The following ARAP1 variants were observed in gnomAD, a reference collection of about 807,000 sequenced individuals.
ARAP1 encodes the protein arf-GAP with Rho-GAP domain, ANK repeat and PH domain-containing protein 1.
Under a neutral mutation model 172.2 loss-of-function variants are expected in ARAP1, and 76 were observed. That is an observed-to-expected ratio of 0.44 (90% confidence interval 0.37 to 0.53). ARAP1 has a LOEUF of 0.53. Ranked by LOEUF, ARAP1 falls within the 20% of genes least tolerant of loss-of-function variation. ARAP1 has a pLI of 0.00. For synonymous variants in ARAP1, 804 were observed against 803.3 expected (o/e 1.00, Z -0.01); for missense variants, 1,686 against 1,977.5 (o/e 0.85, Z 2.80).
chr11:72,729,148 A>C (rs1285190580), intron 2 of ARAP1, among the ~76,000 whole-genome samples: 1 of 152,242 alleles, frequency 6.6e-6, no homozygotes, highest in Non-Finnish European at 1.5e-5. Flanking sequence ...TTTAGGATAC[A>C]CTAAAAGTAG....
chr11:72,745,267 C>T (rs1012461810), intron 1 of ARAP1, among the ~76,000 whole-genome samples: 1 of 146,120 alleles, frequency 6.8e-6, no homozygotes, highest in Non-Finnish European at 1.5e-5. Context: ...CGGCTCACTG[C>T]AAGCTCCGCC....
chr11:72,702,704 A>G (rs1449778459), intron 15 of ARAP1, among the ~76,000 whole-genome samples: 1 of 152,246 alleles, frequency 6.6e-6, no homozygotes, highest in Non-Finnish European at 1.5e-5. Context: ...AGTCATCAAC[A>G]GTCACAGAGA....
chr11:72,712,154 C>A, intron 7 of ARAP1, 42 bp downstream of exon 7: 1 of 1,522,646 alleles, frequency 6.6e-7, no homozygotes, highest in South Asian at 1.2e-5. Flanking sequence ...GCCCCCCACC[C>A]CCCCATGCAG....
chr11:72,728,030 C>T (rs1035082972), intron 2 of ARAP1, among the ~76,000 whole-genome samples: 1 of 152,160 alleles, frequency 6.6e-6, no homozygotes, highest in African/African-American at 2.4e-5. Flanking sequence ...CTTACACAAA[C>T]AAAAATCTTA....
intron 11 of ARAP1, chr11:72,708,155 T>A (rs1856849502): frequency 6.6e-6 from 1 of 151,346 alleles, no homozygotes. Context: ...TGACCATGAG[T>A]CTACTCCACC....
chr11:72,701,165 C>A (rs1856464489), intron 16 of ARAP1, among the ~76,000 whole-genome samples: 1 of 151,838 alleles, frequency 6.6e-6, no homozygotes, highest in Non-Finnish European at 1.5e-5. Flanking sequence ...AGGCAAAGAT[C>A]CTGGTAGGTG....
At chr11:72,704,362 G>T in intron 13 of ARAP1, 28 bp from the exon 14 acceptor site, 1 of 1,523,088 alleles carries the variant, frequency 6.6e-7, no homozygotes, top group South Asian at 1.3e-5. Context: ...AGGTCAGACG[G>T]GCCAGCTGAC....
rs899435396 is a variant in ARAP1, at chr11:72,693,273, A to G, written c.3954+52T>C. 1 of 1,592,748 alleles carries G rather than the reference A, an allele frequency of 6.3e-7. No individual in the cohort carries two copies. Among genetic ancestry groups the G allele is most frequent in the Non-Finnish European group, 8.6e-7 (1 of 1,167,398 alleles). ...CAGACCAAGGGGAATCTCTGAGCAC[A>G]TTCAGGTGTACAGGTGCCCACCCTG... On this transcript the variant is annotated intron_variant, in intron 29 of 34. Coordinates refer to ENST00000393609, the MANE Select transcript of ARAP1 (RefSeq NM_001040118.3). The surrounding 1 kb of genome is among the most constrained non-coding windows in gnomAD (Gnocchi z 4.6).
chr11:72,738,887 TGCAACAACCCCACA>T (rs1385046324), intron 1 of ARAP1, among the ~76,000 whole-genome samples: 4 of 152,146 alleles, frequency 2.6e-5, no homozygotes. Context: ...TTCAACTGTG[TGCAACAACCCCACA>T]GCCCAATACC....
In ARAP1 at chr11:72,713,207, G is replaced by A. The variant is rs199630863; in HGVS notation, c.716C>T (p.Pro239Leu). The A allele has an allele frequency of 9.7e-5, 156 of 1,613,990 alleles. 1 individual carries two copies. In the Admixed American group the frequency reaches 1.6e-3, roughly 17 times the overall value. Residue 239 changes from proline to leucine, a missense_variant, in exon 5 of 35, where the codon CCG becomes CTG. Around this residue, in one of 5 missense-constraint regions of ARAP1, gnomAD observed 155 missense variants for 129.2 expected, o/e 1.20. Transcript: ENST00000393609. ...GGTCATCACTCTGGCTGGGGCCCCC[G>A]GCCCCTCCTCTGGGACCTCATCGTA... ...SDYDEVPEEG[P>L]GAPARVMTKK...
At chr11:72,742,175 A>G (rs148634726) in intron 1 of ARAP1, among the ~76,000 whole-genome samples, 1 of 152,280 alleles carries the variant, frequency 6.6e-6, no homozygotes, top group East Asian at 1.9e-4. Flanking sequence ...CTATAATCAG[A>G]CAACAGCTAG....
chr11:72,729,358 G>A (rs1857789784), intron 2 of ARAP1, among the ~76,000 whole-genome samples: 1 of 152,168 alleles, frequency 6.6e-6, no homozygotes, highest in African/African-American at 2.4e-5. Flanking sequence ...TAGGGATGCT[G>A]AGGCAGGCAG....
intron 30 of ARAP1, among the ~76,000 whole-genome samples, chr11:72,690,540 C>G (rs370634935): frequency 4.6e-5 from 7 of 152,144 alleles, no homozygotes; most frequent in African/African-American, 1.4e-4. Context: ...AAGCATGCAC[C>G]ATCACATCCG....
At chr11:72,703,279 G>C in intron 14 of ARAP1, 200 bp from the exon 15 acceptor site, 1 of 588,718 alleles carries the variant, frequency 1.7e-6, no homozygotes. Context: ...GGGTGAGCAG[G>C]GGCTGCCTAG....
intron 3 of ARAP1, among the ~76,000 whole-genome samples, chr11:72,717,721 G>C (rs147503573): frequency 1.9e-3 from 296 of 152,322 alleles, no homozygotes; most frequent in African/African-American, 6.7e-3. Context: ...GCCATTTTCT[G>C]AGCACTTGAC....
rs1193397158 is a variant in ARAP1, at chr11:72,710,471, C to T, written c.1330G>A (p.Ala444Thr). ...AAGCCACGAAGCTCCAGGCTGCCAGCGCGGTCAGGCTGCTCTGAGCCTGGA... is the reference window on the plus strand; with the variant it reads ...AAGCCACGAAGCTCCAGGCTGCCAGTGCGGTCAGGCTGCTCTGAGCCTGGA... ...GVPGSEQPDR[A>T]GSLELRGFKN... The change falls in exon 10 of 35, where the codon GCT (alanine) becomes ACT (threonine). Residue 444 changes from alanine (A) to threonine (T), a missense_variant. Around this residue, in one of 5 missense-constraint regions of ARAP1, gnomAD observed 688 missense variants for 856.9 expected, o/e 0.80. Transcript: ENST00000393609. The surrounding 1 kb of genome is among the most constrained non-coding windows in gnomAD (Gnocchi z 4.3). The T allele has an allele frequency of 9.3e-6, 15 of 1,614,082 alleles. No individual in the cohort carries two copies. The East Asian group carries it at 1.3e-4, about 14-fold the overall frequency.
intron 1 of ARAP1, among the ~76,000 whole-genome samples, chr11:72,735,960 G>A (rs1858010344): frequency 1.3e-5 from 2 of 152,300 alleles, no homozygotes; most frequent in South Asian, 2.1e-4. Context: ...CAGCCCAGGG[G>A]GCCCTCAACC....
In ARAP1 at chr11:72,725,513, C is replaced by G. The variant is rs574496858; in HGVS notation, c.509+1107G>C. Among the ~76,000 whole-genome samples the G allele has an allele frequency of 4.7e-4, 71 of 151,976 alleles. No homozygotes were observed. Among genetic ancestry groups the G allele is most frequent in the Non-Finnish European group, 8.5e-4 (58 of 67,978 alleles). On this transcript the variant is annotated intron_variant, in intron 3 of 34. Transcript: ENST00000393609. The surrounding 1 kb of genome is among the most constrained non-coding windows in gnomAD (Gnocchi z 4.3). ...AGGAAGAGCATGTACCCTTTTTGTG[C>G]TTCTACCAATCAACCCTCAAAACAC...
intron 1 of ARAP1, among the ~76,000 whole-genome samples, chr11:72,745,621 GTAC>G (rs1858342884): frequency 7.1e-6 from 1 of 140,160 alleles, no homozygotes; most frequent in Non-Finnish European, 1.7e-5. Context: ...CCCGCATGGA[GTAC>G]CCACTGGAGG....
Sources: gnomAD v4.1 joint callset for allele counts (sites outside exome capture counted in the v4.1 genomes callset) on GRCh38, gnomAD v4.1.1 for gene constraint, gnomAD v4.1.1 regional missense constraint, Gnocchi (gnomAD v3.1) non-coding constraint, MANE v1.5 for transcripts, NCBI Gene and HGNC (gene_info 2026-07-23, HGNC 2026-07-21) for gene names.